The following ESR1 variants were observed in gnomAD, a reference collection of about 807,000 sequenced individuals.
ESR1 encodes the protein estrogen receptor.
ESR1 carries 12 observed loss-of-function variants against 52.7 expected under a neutral mutation model. The observed-to-expected ratio is 0.23, with a 90% CI of 0.15 to 0.37. ESR1 has a LOEUF of 0.37. Among genes scored for constraint, ESR1 ranks in the 10% least tolerant of loss-of-function variants. ESR1 has a pLI of 1.00. For synonymous variants in ESR1, 305 were observed against 316.8 expected (o/e 0.96, Z 0.39); for missense variants, 584 against 779.7 (o/e 0.75, Z 2.99).
At chr6:151,905,758 A>G (rs577060370) in intron 3 of ESR1, among the ~76,000 whole-genome samples, 46 of 152,324 alleles carry the variant, frequency 3.0e-4, no homozygotes, top group Middle Eastern at 3.4e-3. Context: ...TTTCATGAGA[A>G]TCACAAGCAT....
intron 1 of ESR1, among the ~76,000 whole-genome samples, chr6:151,831,907 G>A (rs1782489147): frequency 6.6e-6 from 1 of 152,098 alleles, no homozygotes; most frequent in Non-Finnish European, 1.5e-5. Context: ...TAATCTTTGT[G>A]CAGAAGCTGA....
At chr6:151,744,673 T>C (rs1783354250) in intron 2 of ESR1, among the ~76,000 whole-genome samples, 1 of 152,204 alleles carries the variant, frequency 6.6e-6, no homozygotes, top group African/African-American at 2.4e-5. Flanking sequence ...ATCTTTTCAC[T>C]TTCTTGATAG....
At chr6:151,749,008 C>T (rs1783693235) in intron 2 of ESR1, among the ~76,000 whole-genome samples, 1 of 151,928 alleles carries the variant, frequency 6.6e-6, no homozygotes, top group Non-Finnish European at 1.5e-5. Flanking sequence ...GAATAAGAAA[C>T]ATACATTGCT....
At chr6:151,706,972 T>A (rs928318084) in intron 2 of ESR1, among the ~76,000 whole-genome samples, 2 of 152,136 alleles carry the variant, frequency 1.3e-5, no homozygotes, top group Admixed American at 1.3e-4. Flanking sequence ...ACTGGCAGGA[T>A]AGTTTGCTAG....
intron 6 of ESR1, among the ~76,000 whole-genome samples, chr6:152,120,899 T>G (rs1423368247): frequency 6.6e-6 from 1 of 152,200 alleles, no homozygotes; most frequent in Admixed American, 6.5e-5. Context: ...TAGAGCAGGA[T>G]TTGTAAACTT....
At chr6:152,059,792 A>G (rs1349975127) in intron 5 of ESR1, among the ~76,000 whole-genome samples, 1 of 152,198 alleles carries the variant, frequency 6.6e-6, no homozygotes, top group Non-Finnish European at 1.5e-5. Flanking sequence ...TGTTTTTAAC[A>G]ACAAAATACT....
At chr6:151,908,876 A>ATT (rs397754522) in intron 3 of ESR1, among the ~76,000 whole-genome samples, 97 of 144,760 alleles carry the variant, frequency 6.7e-4, no homozygotes, top group African/African-American at 1.9e-3. Context: ...GTTTAAAGCA[A>ATT]TTTTTTTTTT....
At chr6:152,089,584 A>T (rs1204443738) in intron 6 of ESR1, among the ~76,000 whole-genome samples, 1 of 152,132 alleles carries the variant, frequency 6.6e-6, no homozygotes, top group Admixed American at 6.6e-5. Flanking sequence ...AAAACTTTTC[A>T]CTACTTTTTT....
chr6:151,822,107 T>C (rs976885656), intron 1 of ESR1, among the ~76,000 whole-genome samples: 4 of 152,156 alleles, frequency 2.6e-5, no homozygotes, highest in Non-Finnish European at 4.4e-5. Context: ...TTTTTTTAAA[T>C]GAGTCAAAGA....
intron 5 of ESR1, among the ~76,000 whole-genome samples, chr6:152,025,204 G>A (rs930829342): frequency 8.1e-5 from 10 of 123,126 alleles, no homozygotes; most frequent in African/African-American, 2.9e-4. Context: ...TCTTCATCAC[G>A]CTTTTTTTTT....
At chr6:151,813,289 A>C (rs1052372164) in intron 1 of ESR1, 2 of 152,220 alleles carry the variant, frequency 1.3e-5, no homozygotes, top group Non-Finnish European at 2.9e-5. Context: ...TAGTTTAATA[A>C]AGTAATAATT....
intron 3 of ESR1, among the ~76,000 whole-genome samples, chr6:151,917,739 C>T (rs565391295): frequency 6.6e-6 from 1 of 152,252 alleles, no homozygotes; most frequent in Admixed American, 6.5e-5. Context: ...ATTCATTCTT[C>T]TATGAGGGCT....
intron 4 of ESR1, among the ~76,000 whole-genome samples, chr6:151,957,379 C>T (rs1418362184): frequency 6.6e-6 from 1 of 152,100 alleles, no homozygotes. Context: ...TTTTGCAAAA[C>T]TAGGATAGAA....
In ESR1 at chr6:151,808,479, C is replaced by G. The variant is rs1351576085; in HGVS notation, c.452+115C>G. 1.0e-5 allele frequency: 10 copies of G among 953,372 alleles called. No homozygotes were observed. In the South Asian group the frequency reaches 1.3e-4, roughly 13 times the overall value. The allele number at this position is 953,372 out of a possible 1,614,324, so 59.1% of individuals were successfully genotyped here. On this transcript the variant is annotated intron_variant, in intron 1 of 7. Coordinates refer to ENST00000206249, the MANE Select transcript of ESR1 (RefSeq NM_000125.4). ...TGCGGGAGCCGCGGGACGCGCGACCCGAGGGTGCGCGCAGGGAGCCCGGGG... is the reference window on the plus strand; with the variant it reads ...TGCGGGAGCCGCGGGACGCGCGACCGGAGGGTGCGCGCAGGGAGCCCGGGG...
chr6:151,756,300 C>A (rs967736648), intron 2 of ESR1, among the ~76,000 whole-genome samples: 1 of 152,018 alleles, frequency 6.6e-6, no homozygotes, highest in African/African-American at 2.4e-5. Flanking sequence ...TAGGCTGGAG[C>A]GCAGTGGCGC....
At chr6:151,692,109 G>C (rs896932276) in intron 1 of ESR1, among the ~76,000 whole-genome samples, 3 of 152,180 alleles carry the variant, frequency 2.0e-5, no homozygotes, top group African/African-American at 7.2e-5. Context: ...TATTGCTTGT[G>C]ACAGTCAAGG....
intron 2 of ESR1, among the ~76,000 whole-genome samples, chr6:151,870,753 C>G (rs1790796400): frequency 6.6e-6 from 1 of 152,190 alleles, no homozygotes; most frequent in South Asian, 2.1e-4. Context: ...AGTCCTTGGC[C>G]CAGTGCATGG....
intron 1 of ESR1, among the ~76,000 whole-genome samples, chr6:151,669,314 T>A (rs1427731033): frequency 6.6e-6 from 1 of 151,498 alleles, no homozygotes; most frequent in Non-Finnish European, 1.5e-5. Flanking sequence ...TGTGAGCTTC[T>A]GAGGAAGTAC....
intron 1 of ESR1, among the ~76,000 whole-genome samples, chr6:151,658,333 A>T (rs1411496067): frequency 6.6e-6 from 1 of 152,346 alleles, no homozygotes; most frequent in African/African-American, 2.4e-5. Flanking sequence ...TAGCTCACGA[A>T]AGTACTTATT....
Sources: gnomAD v4.1 joint callset for allele counts (sites outside exome capture counted in the v4.1 genomes callset) on GRCh38, gnomAD v4.1.1 for gene constraint, MANE v1.5 for transcripts, NCBI Gene and HGNC (gene_info 2026-07-23, HGNC 2026-07-21) for gene names.